DPF3: variants seen among roughly 807,000 people sequenced by gnomAD.
The protein encoded by DPF3 is double PHD fingers 3, also known as zinc finger protein DPF3.
Under a neutral mutation model 56.8 loss-of-function variants are expected in DPF3, and 18 were observed. The ratio of observed to expected loss-of-function variants is 0.32; its 90% CI spans 0.22 to 0.47. The LOEUF is 0.47. Ranked by LOEUF, DPF3 falls within the 20% of genes least tolerant of loss-of-function variation. The pLI, the probability that DPF3 is intolerant of heterozygous loss-of-function variation, is 1.00. For missense variants in DPF3, 403 were observed against 488.8 expected (o/e 0.82, Z 1.65); for synonymous variants, 188 against 180.2 (o/e 1.04, Z -0.35).
At chr14:72,807,681 T>C (rs1426907247) in intron 1 of DPF3, among the ~76,000 whole-genome samples, 1 of 152,188 alleles carries the variant, frequency 6.6e-6, no homozygotes, top group South Asian at 2.1e-4. Flanking sequence ...AATCCATTCC[T>C]GCCAGAACAA....
At chr14:72,703,428 G>GA in intron 6 of DPF3, among the ~76,000 whole-genome samples, 1 of 152,254 alleles carries the variant, frequency 6.6e-6, no homozygotes, top group South Asian at 2.1e-4. Flanking sequence ...GAATTTACTA[G>GA]ATGTGAGGAA....
chr14:72,880,629 T>C (rs897595700), intron 1 of DPF3, among the ~76,000 whole-genome samples: 14 of 152,080 alleles, frequency 9.2e-5, no homozygotes, highest in African/African-American at 3.1e-4. Flanking sequence ...CAAACACGGC[T>C]CACTGCAGCC....
intron 2 of DPF3, among the ~76,000 whole-genome samples, chr14:72,761,598 T>C (rs1186810549): frequency 6.6e-6 from 1 of 151,870 alleles, no homozygotes; most frequent in Non-Finnish European, 1.5e-5. Flanking sequence ...AATGATGTAG[T>C]AGAAAAGAAA....
At chr14:72,788,515 C>T (rs1277050092) in intron 1 of DPF3, among the ~76,000 whole-genome samples, 3 of 152,160 alleles carry the variant, frequency 2.0e-5, no homozygotes, top group African/African-American at 7.2e-5. Flanking sequence ...CTTCGGAGGA[C>T]AGATTATCTG....
rs569926501 is a variant in DPF3, at chr14:72,670,330, A to G, written c.871+3910T>C. 1.5e-4 allele frequency: 147 copies of G among 986,288 alleles called. 1 individual carries two copies. In the African/African-American group the frequency reaches 2.2e-3, roughly 15 times the overall value. The allele number at this position is 986,288 out of a possible 1,614,324, so 61.1% of individuals were successfully genotyped here. A position where few individuals can be genotyped will look rare whatever the true frequency, so the allele number is the denominator to read the frequency against. ...TTTGCCAGGAGGAAAGTGAGGAAAA[A>G]CCAGCAATAACAAAACAGCAGCTCT... On this transcript the variant is annotated intron_variant, in intron 8 of 10. Transcript: ENST00000556509.
chr14:72,649,072 A>C (rs550396598), intron 8 of DPF3, among the ~76,000 whole-genome samples: 1 of 151,758 alleles, frequency 6.6e-6, no homozygotes, highest in African/African-American at 2.4e-5. Flanking sequence ...TCTTCCTTTT[A>C]TGTGGACTCA....
At chr14:72,876,392 T>A (rs1886115929) in intron 1 of DPF3, among the ~76,000 whole-genome samples, 1 of 152,170 alleles carries the variant, frequency 6.6e-6, no homozygotes, top group East Asian at 1.9e-4. Context: ...GGACACAGGA[T>A]GACCACCCCA....
chr14:72,612,559 T>A lies in DPF3; in HGVS notation c.*6738A>T. 1 of 503,920 alleles carries A rather than the reference T, an allele frequency of 2.0e-6. No homozygotes were observed. Among genetic ancestry groups the A allele is most frequent in the Non-Finnish European group, 3.9e-6 (1 of 257,152 alleles). 31.2% of individuals were successfully genotyped at this position (503,920 alleles called of 1,614,324 possible). A position where few individuals can be genotyped will look rare whatever the true frequency, so the allele number is the denominator to read the frequency against. On this transcript the variant is annotated 3_prime_UTR_variant, in exon 11 of 11. Coordinates refer to ENST00000556509, the MANE Select transcript of DPF3 (RefSeq NM_001280542.3). Reference sequence around the variant, plus strand: ...CCCACCTCCACCCCACTCCTTAGCATCTATCACGGCAGAGGGAAGGGAGGA... The same window carrying A: ...CCCACCTCCACCCCACTCCTTAGCAACTATCACGGCAGAGGGAAGGGAGGA...
chr14:72,870,175 T>C lies in DPF3; in HGVS notation c.32+23882A>G, dbSNP rs1424963824. Among the ~76,000 whole-genome samples, 4 of 152,260 alleles carry C rather than the reference T, an allele frequency of 2.6e-5. 1 individual carries two copies. Among genetic ancestry groups the C allele is most frequent in the Admixed American group, 2.6e-4 (4 of 15,300 alleles). ...CTACCAAAAAGCATGTGCTGGGAAC[T>C]CACATACACACCAACCAGCACAAGA... On this transcript the variant is annotated intron_variant, in intron 1 of 10. Transcript: ENST00000556509.
chr14:72,878,267 C>T (rs376173956), intron 1 of DPF3, among the ~76,000 whole-genome samples: 3 of 152,288 alleles, frequency 2.0e-5, no homozygotes, highest in Admixed American at 2.0e-4. Context: ...TATAATGATA[C>T]GCTGGTATCT....
At position 72,838,905 on chromosome 14, in the gene DPF3, A is replaced by ATATATATATATATATATATATAT; in HGVS notation, c.32+55151_32+55152insATATATATATATATATATATATA. ...ATCTATCATATATATTATCATATAT[A>ATATATATATATATATATATATAT]TTCTTTTTTTTTTTTTTTTTTTTTT... On this transcript the variant is annotated intron_variant, in intron 1 of 10. Coordinates refer to ENST00000556509, the MANE Select transcript of DPF3 (RefSeq NM_001280542.3). 4.5e-3 allele frequency among the ~76,000 whole-genome samples: 292 copies of ATATATATATATATATATATATAT among 64,304 alleles called. 40 individuals are homozygous for ATATATATATATATATATATATAT. Among genetic ancestry groups the ATATATATATATATATATATATAT allele is most frequent in the Non-Finnish European group, 5.3e-3 (191 of 35,962 alleles). The allele number at this position is 64,304 out of a possible 152,430, so 42.2% of individuals were successfully genotyped here.
rs1057017133 is a variant in DPF3, at chr14:72,721,439, G to A, written c.525+2194C>T. ...CACAGCTCTTTGGGAGTTCACCAAA[G>A]GCCCAGGAAGTCCAAGCTCAAAAGT... On this transcript the variant is annotated intron_variant, in intron 5 of 10. Coordinates refer to ENST00000556509, the MANE Select transcript of DPF3 (RefSeq NM_001280542.3). Among the ~76,000 whole-genome samples the A allele has an allele frequency of 6.6e-5, 10 of 152,262 alleles. No homozygotes were observed. In the South Asian group the frequency reaches 2.1e-3, roughly 32 times the overall value.
At chr14:72,658,965 G>C (rs948650280) in intron 8 of DPF3, among the ~76,000 whole-genome samples, 45 of 151,958 alleles carry the variant, frequency 3.0e-4, no homozygotes, top group African/African-American at 1.0e-3. Flanking sequence ...CTGAAAAATG[G>C]GGAGATCTCA....
chr14:72,836,384 A>C, intron 1 of DPF3: 5 of 985,518 alleles, frequency 5.1e-6, no homozygotes, highest in South Asian at 4.7e-5. Flanking sequence ...CTGTCAGAGC[A>C]GGGGGCAAAC....
rs534404993 is a variant in DPF3 at position 72,762,614 on chromosome 14, C to CA, written c.193+9118dup. Reference sequence around the variant, plus strand: ...TCCTCAATCTGATAAAGAATATCTACAAAAAATTCTACAGCTAATGTCATA... The same window carrying CA: ...TCCTCAATCTGATAAAGAATATCTACAAAAAAATTCTACAGCTAATGTCATA... On this transcript the variant is annotated intron_variant, in intron 2 of 10. Coordinates refer to ENST00000556509, the MANE Select transcript of DPF3 (RefSeq NM_001280542.3). Among the ~76,000 whole-genome samples, 450 of 150,994 alleles carry CA rather than the reference C, an allele frequency of 3.0e-3. 2 individuals are homozygous for CA. Among genetic ancestry groups the CA allele is most frequent in the African/African-American group, 0.01 (430 of 41,304 alleles).
At chr14:72,720,459 A>G (rs1889121492) in intron 5 of DPF3, among the ~76,000 whole-genome samples, 2 of 152,214 alleles carry the variant, frequency 1.3e-5, no homozygotes, top group African/African-American at 4.8e-5. Flanking sequence ...GGCTCCGTGC[A>G]TGGGTAACAT....
intron 1 of DPF3, among the ~76,000 whole-genome samples, chr14:72,827,718 G>A (rs112467493): frequency 0.084 from 12,808 of 151,862 alleles, 740 homozygotes; most frequent in South Asian, 0.18. Flanking sequence ...GACCTCAGGT[G>A]ATCTGCCTGC....
chr14:72,823,991 G>C (rs1161066338), intron 1 of DPF3, among the ~76,000 whole-genome samples: 2 of 152,180 alleles, frequency 1.3e-5, no homozygotes, highest in East Asian at 3.9e-4. Flanking sequence ...TAGGAGAGGG[G>C]ACCACATGAG....
At chr14:72,753,443 C>G in intron 2 of DPF3, 72 bp from the exon 3 acceptor site, 1 of 1,249,156 alleles carries the variant, frequency 8.0e-7, no homozygotes. Context: ...CCTGACTAAC[C>G]CCGTCATTCA....
Sources: allele counts gnomAD v4.1 joint callset (sites outside exome capture counted in the v4.1 genomes callset), GRCh38; gene constraint gnomAD v4.1.1; transcripts MANE v1.5; gene names NCBI Gene and HGNC (gene_info 2026-07-23, HGNC 2026-07-21).